LHPP: variants seen among roughly 807,000 people sequenced by gnomAD.
LHPP encodes hLHPP.
A neutral mutation model predicts 30.3 loss-of-function variants in LHPP; 24 were observed. The ratio of observed to expected loss-of-function variants is 0.79; its 90% CI spans 0.57 to 1.11. The LOEUF (loss-of-function observed/expected upper bound fraction) is 1.11. Ranked by LOEUF, LHPP falls within the 50% of genes most tolerant of loss-of-function variation. LHPP has a pLI of 0.00. For synonymous variants in LHPP, 150 were observed against 157.1 expected (o/e 0.95, Z 0.34); for missense variants, 356 against 367.2 (o/e 0.97, Z 0.25).
chr10:124,552,992 T>C (rs1420263261), intron 6 of LHPP, among the ~76,000 whole-genome samples: 1 of 152,264 alleles, frequency 6.6e-6, no homozygotes, highest in African/African-American at 2.4e-5. Flanking sequence ...TGGAATATCC[T>C]TTAAGCTGGC....
chr10:124,495,265 C>T (rs1426476576), intron 3 of LHPP, among the ~76,000 whole-genome samples: 1 of 151,742 alleles, frequency 6.6e-6, no homozygotes, highest in Non-Finnish European at 1.5e-5. Context: ...CACAGAGCCT[C>T]AGAGGCTGTG....
intron 6 of LHPP, among the ~76,000 whole-genome samples, chr10:124,607,375 C>T (rs1190231167): frequency 6.6e-6 from 1 of 152,238 alleles, no homozygotes; most frequent in Non-Finnish European, 1.5e-5. Flanking sequence ...CCCACAGCAG[C>T]GTCACGTAAT....
rs199944275 is a variant in LHPP at position 124,591,737 on chromosome 10, T to A, written c.717-21527T>A. Among the ~76,000 whole-genome samples the A allele has an allele frequency of 2.0e-5, 3 of 152,104 alleles. No individual in the cohort carries two copies. In the East Asian group the frequency reaches 5.8e-4, roughly 29 times the overall value. ...TTGGTACTATGAATTTCCCTCTGAA[T>A]CCTGCTTCAGCTGCATCCCAACTTC... is the stretch of plus-strand genomic sequence containing the variant. On this transcript the variant is annotated intron_variant, in intron 6 of 6. Transcript: ENST00000368842.
At chr10:124,465,959 G>C (rs756884828) in intron 1 of LHPP, among the ~76,000 whole-genome samples, 15 of 152,178 alleles carry the variant, frequency 9.9e-5, no homozygotes, top group Non-Finnish European at 1.9e-4. Context: ...TTCTCTGTGA[G>C]AGTTTGTGGA....
intron 6 of LHPP, among the ~76,000 whole-genome samples, chr10:124,580,185 C>T (rs1431154985): frequency 6.6e-6 from 1 of 152,198 alleles, no homozygotes; most frequent in Non-Finnish European, 1.5e-5. Context: ...ATATGTGGTG[C>T]ACACATCTGC....
chr10:124,510,091 C>G lies in LHPP; in HGVS notation c.625-7089C>G, dbSNP rs1299237579. 1.3e-5 allele frequency among the ~76,000 whole-genome samples: 2 copies of G among 152,008 alleles called. No individual in the cohort carries two copies. The highest frequency in any genetic ancestry group is 2.9e-5 in the Non-Finnish European group (2 of 68,010). On this transcript the variant is annotated intron_variant, in intron 5 of 6. Coordinates refer to ENST00000368842, the MANE Select transcript of LHPP (RefSeq NM_022126.4). The surrounding 1 kb of genome is among the most constrained non-coding windows in gnomAD (Gnocchi z 4.0). ...CTCTGGATCCTGGGTTCTGGGGGGT[C>G]CGACCTTTCATTTTTTTCTCCGCCT...
At position 124,552,613 on chromosome 10, in the gene LHPP, C is replaced by A. The variant is rs7923343; in HGVS notation, c.716+35342C>A. On this transcript the variant is annotated intron_variant, in intron 6 of 6. Transcript: ENST00000368842. ...CTCTTAATCCTCCAGCCACTGCCCC[C>A]CAGGCTGGGGCCTGCCAGCCCCCGC... Among the ~76,000 whole-genome samples the A allele has an allele frequency of 4.6e-3, 696 of 152,276 alleles. 5 individuals are homozygous for A. Among genetic ancestry groups the A allele is most frequent in the African/African-American group, 0.016 (648 of 41,540 alleles).
At chr10:124,609,011 G>A (rs1292473671) in intron 6 of LHPP, among the ~76,000 whole-genome samples, 1 of 152,236 alleles carries the variant, frequency 6.6e-6, no homozygotes, top group African/African-American at 2.4e-5. Flanking sequence ...CTTCCCAAGA[G>A]TAAGAGCTTG....
intron 6 of LHPP, chr10:124,554,067 C>A: frequency 2.0e-6 from 2 of 985,434 alleles, no homozygotes; most frequent in Non-Finnish European, 1.2e-6. Context: ...AGTTGCGGGG[C>A]GGTGGTCAGC....
chr10:124,587,763 A>C (rs1420577100), intron 6 of LHPP, among the ~76,000 whole-genome samples: 4 of 150,094 alleles, frequency 2.7e-5, no homozygotes, highest in Admixed American at 2.0e-4. Context: ...AAAAAAAAAA[A>C]AACCAAAAAA....
rs1256918763 is a variant in LHPP at position 124,541,750 on chromosome 10, A to G, written c.716+24479A>G. ...GAGGGCTTCTTAGAACACGCTGGAC[A>G]CTGGGGAGGGCTCTAATGGTATTTG... On this transcript the variant is annotated intron_variant, in intron 6 of 6. Transcript: ENST00000368842. The surrounding 1 kb of genome is among the most constrained non-coding windows in gnomAD (Gnocchi z 4.2). Among the ~76,000 whole-genome samples, 3 of 152,112 alleles carry G rather than the reference A, an allele frequency of 2.0e-5. No individual in the cohort carries two copies. The highest frequency in any genetic ancestry group is 2.0e-4 in the Admixed American group (3 of 15,282).
In LHPP at chr10:124,545,692, G is replaced by A. The variant is rs553417310; in HGVS notation, c.716+28421G>A. Among the ~76,000 whole-genome samples, 158 of 152,310 alleles carry A rather than the reference G, an allele frequency of 1.0e-3. 1 individual carries two copies. Among genetic ancestry groups the A allele is most frequent in the Middle Eastern group, 3.4e-3 (1 of 294 alleles). The stretch of plus-strand genomic sequence containing the variant: ...TGTTAGTGCGAATGTGAGTGTGTGT[G>A]CACGCTTGCAGGATAAAGATGAGTT... On this transcript the variant is annotated intron_variant, in intron 6 of 6. Transcript: ENST00000368842.
At chr10:124,539,042 C>G (rs1402030074) in intron 6 of LHPP, among the ~76,000 whole-genome samples, 2 of 152,204 alleles carry the variant, frequency 1.3e-5, no homozygotes, top group African/African-American at 2.4e-5. Context: ...TGGGCTTCTT[C>G]TAGCAGAGAG....
intron 6 of LHPP, among the ~76,000 whole-genome samples, chr10:124,597,845 A>T (rs1948969557): frequency 6.6e-6 from 1 of 152,136 alleles, no homozygotes; most frequent in Admixed American, 6.5e-5. Context: ...TTTAATCTAA[A>T]CACACACCAG....
chr10:124,525,664 C>A (rs1033413711), intron 6 of LHPP, among the ~76,000 whole-genome samples: 2 of 152,208 alleles, frequency 1.3e-5, no homozygotes, highest in Non-Finnish European at 2.9e-5. Flanking sequence ...GGGCAGACAC[C>A]CCATCGTGGC....
At chr10:124,475,240 G>A (rs1364124005) in intron 1 of LHPP, among the ~76,000 whole-genome samples, 6 of 151,832 alleles carry the variant, frequency 4.0e-5, no homozygotes, top group African/African-American at 1.4e-4. Flanking sequence ...TCGCCATGTT[G>A]GCCAGGCTGG....
chr10:124,567,062 T>C (rs1433010552), intron 6 of LHPP, among the ~76,000 whole-genome samples: 1 of 152,104 alleles, frequency 6.6e-6, no homozygotes, highest in Non-Finnish European at 1.5e-5. Context: ...GGGGTCCAGG[T>C]GGCCTGAGGA....
chr10:124,462,419 AC>A (rs1376740870), intron 1 of LHPP, among the ~76,000 whole-genome samples: 1 of 151,708 alleles, frequency 6.6e-6, no homozygotes, highest in Non-Finnish European at 1.5e-5. Context: ...ACATAGGGAG[AC>A]CCCGTCTCTG....
At chr10:124,577,140 C>T (rs192934781) in intron 6 of LHPP, among the ~76,000 whole-genome samples, 64 of 152,310 alleles carry the variant, frequency 4.2e-4, no homozygotes, top group Middle Eastern at 3.4e-3. Context: ...ATAGCCTGCT[C>T]AGGTGGGTCC....
Sources: allele counts gnomAD v4.1 joint callset (sites outside exome capture counted in the v4.1 genomes callset), GRCh38; gene constraint gnomAD v4.1.1; non-coding constraint Gnocchi (gnomAD v3.1); transcripts MANE v1.5; gene names NCBI Gene and HGNC (gene_info 2026-07-23, HGNC 2026-07-21).